Variants in GPC5 observed in about 807,000 individuals in gnomAD.
The protein encoded by GPC5 is glypican 5.
A neutral mutation model predicts 53.9 loss-of-function variants in GPC5; 47 were observed. The ratio of observed to expected loss-of-function variants is 0.87; its 90% CI spans 0.69 to 1.11. GPC5 has a LOEUF of 1.11. Among genes scored for constraint, GPC5 ranks in the 50% most tolerant of loss-of-function variants. The probability of loss-of-function intolerance (pLI) is 0.00; values close to 1 mark genes in which losing one functional copy is unlikely to be tolerated. For missense variants in GPC5, 748 were observed against 713.1 expected, an observed-to-expected ratio of 1.05 and a Z score of -0.56; for synonymous variants, 286 against 263.3, an observed-to-expected ratio of 1.09 and a Z score of -0.84.
chr13:91,657,178 C>T (rs1057468338), intron 2 of GPC5, among the ~76,000 whole-genome samples: 2 of 152,034 alleles, frequency 1.3e-5, no homozygotes, highest in African/African-American at 4.8e-5. Flanking sequence ...AGTGAGACTG[C>T]AAGTAGGGAG....
chr13:92,077,832 G>T (rs9560914), intron 6 of GPC5, among the ~76,000 whole-genome samples: 55,960 of 152,000 alleles, frequency 0.37, 11,221 homozygotes, highest in Admixed American at 0.47. Flanking sequence ...GAAAAGAAAT[G>T]AAGCTGGAAA....
chr13:91,579,599 T>C (rs2032271239), intron 2 of GPC5, among the ~76,000 whole-genome samples: 1 of 150,442 alleles, frequency 6.6e-6, no homozygotes, highest in South Asian at 2.1e-4. Context: ...TGCATCATAA[T>C]ATTTCTTTCT....
intron 7 of GPC5, among the ~76,000 whole-genome samples, chr13:92,401,325 A>C (rs1386425309): frequency 6.6e-6 from 1 of 151,906 alleles, no homozygotes; most frequent in Non-Finnish European, 1.5e-5. Context: ...ATGTATATTA[A>C]ATAAGTAATG....
At chr13:91,899,249 T>A (rs1389983025) in intron 5 of GPC5, among the ~76,000 whole-genome samples, 1 of 152,140 alleles carries the variant, frequency 6.6e-6, no homozygotes, top group Non-Finnish European at 1.5e-5. Context: ...GTCCATTGCA[T>A]CATTTTTGCT....
At chr13:91,571,689 C>T (rs1256048422) in intron 2 of GPC5, among the ~76,000 whole-genome samples, 3 of 150,720 alleles carry the variant, frequency 2.0e-5, no homozygotes, top group African/African-American at 7.3e-5. Context: ...GGTGCCCCTT[C>T]ACTCCAGCCT....
At chr13:92,601,348 G>A (rs1313115237) in intron 7 of GPC5, among the ~76,000 whole-genome samples, 2 of 151,988 alleles carry the variant, frequency 1.3e-5, no homozygotes, top group East Asian at 3.9e-4. Context: ...CTGAGGTCAG[G>A]AGTTTAAGAC....
At chr13:92,376,588 A>C (rs765107540) in intron 7 of GPC5, among the ~76,000 whole-genome samples, 5 of 152,200 alleles carry the variant, frequency 3.3e-5, no homozygotes, top group Non-Finnish European at 2.9e-5. Flanking sequence ...TTTTACCTCA[A>C]GTAGAAAACT....
At chr13:91,629,360 A>T (rs752541930) in intron 2 of GPC5, among the ~76,000 whole-genome samples, 1 of 152,012 alleles carries the variant, frequency 6.6e-6, no homozygotes, top group Non-Finnish European at 1.5e-5. Context: ...ATTTTTTTTC[A>T]GGCTGGGCAT....
At chr13:91,536,289 C>T (rs983736137) in intron 2 of GPC5, among the ~76,000 whole-genome samples, 4 of 152,076 alleles carry the variant, frequency 2.6e-5, no homozygotes, top group Admixed American at 6.6e-5. Context: ...GAGCAGTTGA[C>T]GAAAAATCAC....
intron 7 of GPC5, among the ~76,000 whole-genome samples, chr13:92,172,439 C>A (rs1208890232): frequency 1.3e-5 from 2 of 152,110 alleles, no homozygotes; most frequent in African/African-American, 2.4e-5. Context: ...GAAACATAAC[C>A]TTTTATATTG....
At chr13:92,125,413 A>T (rs1442089962) in intron 6 of GPC5, among the ~76,000 whole-genome samples, 1 of 152,234 alleles carries the variant, frequency 6.6e-6, no homozygotes, top group Non-Finnish European at 1.5e-5. Context: ...ATGACAGAAA[A>T]GAATTAGACT....
At chr13:92,269,321 T>C (rs1197714479) in intron 7 of GPC5, among the ~76,000 whole-genome samples, 1 of 152,184 alleles carries the variant, frequency 6.6e-6, no homozygotes, top group African/African-American at 2.4e-5. Flanking sequence ...TAGGTTGTAA[T>C]TTTCTATTTG....
intron 3 of GPC5, among the ~76,000 whole-genome samples, chr13:91,714,589 A>T (rs2036295550): frequency 6.6e-6 from 1 of 152,242 alleles, no homozygotes; most frequent in Non-Finnish European, 1.5e-5. Context: ...AAATGTGCTT[A>T]TGTGAAAAGT....
intron 7 of GPC5, among the ~76,000 whole-genome samples, chr13:92,751,660 T>G: frequency 6.6e-6 from 1 of 151,902 alleles, no homozygotes; most frequent in South Asian, 2.1e-4. Context: ...GACGAGTTAA[T>G]GGGTGCAGCA....
chr13:91,446,555 T>C (rs931570295), intron 1 of GPC5, among the ~76,000 whole-genome samples: 7 of 152,206 alleles, frequency 4.6e-5, no homozygotes, highest in African/African-American at 1.4e-4. Flanking sequence ...CTAGTTACCA[T>C]GCATAATAGT....
chr13:92,629,493 A>G (rs1360520886), intron 7 of GPC5, among the ~76,000 whole-genome samples: 1 of 152,184 alleles, frequency 6.6e-6, no homozygotes, highest in Non-Finnish European at 1.5e-5. Flanking sequence ...ACATTATAAG[A>G]AATGGTGATT....
intron 7 of GPC5, among the ~76,000 whole-genome samples, chr13:92,325,114 A>ACC (rs2043242071): frequency 6.6e-6 from 1 of 151,652 alleles, no homozygotes; most frequent in African/African-American, 2.4e-5. Context: ...ACACACACAC[A>ACC]CACACACACA....
At chr13:91,983,504 G>A (rs1030823257) in intron 6 of GPC5, among the ~76,000 whole-genome samples, 1 of 152,092 alleles carries the variant, frequency 6.6e-6, no homozygotes, top group Admixed American at 6.6e-5. Flanking sequence ...TGCTGAACCA[G>A]CTCTTTGCTG....
rs147749250 is a variant in GPC5, at chr13:91,940,615, T to C, written c.1401+32558T>C. ...AACTAATTTAGATTCCCACTAGCAG[T>C]GTATAAGCATTCCCTTTTCTCCACA... is the stretch of plus-strand genomic sequence containing the variant. On this transcript the variant is annotated intron_variant, in intron 6 of 7. Transcript: ENST00000377067. 2.5e-3 allele frequency among the ~76,000 whole-genome samples: 384 copies of C among 152,258 alleles called. 3 individuals are homozygous for C. The highest frequency in any genetic ancestry group is 8.7e-3 in the African/African-American group (362 of 41,564).
Sources: allele counts gnomAD v4.1 joint callset (sites outside exome capture counted in the v4.1 genomes callset), GRCh38; gene constraint gnomAD v4.1.1; transcripts MANE v1.5; gene names NCBI Gene and HGNC (gene_info 2026-07-23, HGNC 2026-07-21).